CD163L1: variants seen among roughly 807,000 people sequenced by gnomAD.
The protein encoded by CD163L1 is scavenger receptor cysteine-rich type 1 protein M160.
In CD163L1, 124 loss-of-function variants were observed where a neutral mutation model predicts 165.4. That is an observed-to-expected ratio of 0.75 (90% CI 0.65 to 0.87). The LOEUF is 0.87. CD163L1 is among the 40% of genes least tolerant of loss of function. CD163L1 has a pLI of 0.00. For missense variants in CD163L1, 1,525 were observed against 1,799.9 expected, an observed-to-expected ratio of 0.85 and a Z score of 2.76; for synonymous variants, 585 against 662.2, an observed-to-expected ratio of 0.88 and a Z score of 1.79.
At chr12:7,329,038 G>T in the CD163L1 span, among the ~76,000 whole-genome samples, 1 of 147,130 alleles carries the variant, frequency 6.8e-6, no homozygotes. Context: ...CAATACTGAT[G>T]TATCTGTATA....
chr12:7,392,006 A>G (rs1021660475), intron 8 of CD163L1, among the ~76,000 whole-genome samples: 1 of 152,206 alleles, frequency 6.6e-6, no homozygotes, highest in Non-Finnish European at 1.5e-5. Flanking sequence ...TGAATATTAG[A>G]CAGATCAATA....
intron 7 of CD163L1, 73 bp from the exon 8 acceptor site, chr12:7,396,488 A>G: frequency 3.6e-6 from 5 of 1,395,510 alleles, no homozygotes; most frequent in Non-Finnish European, 4.8e-6. Context: ...TGGCTGGACT[A>G]TGATACCCAG....
chr12:7,367,097 T>G (rs1338287035), intron 18 of CD163L1, 139 bp downstream of exon 18: 1 of 443,306 alleles, frequency 2.3e-6, no homozygotes, highest in Admixed American at 3.6e-5. Flanking sequence ...TTTTATCTAT[T>G]CCCCGTTTGT....
At chr12:7,329,618 G>T in the CD163L1 span, among the ~76,000 whole-genome samples, 1 of 151,016 alleles carries the variant, frequency 6.6e-6, no homozygotes, top group African/African-American at 2.4e-5. Context: ...TTGTTTGTTT[G>T]TGTTTTTTTT....
chr12:7,436,020 C>A (rs1948708517), intron 2 of CD163L1, among the ~76,000 whole-genome samples: 1 of 151,984 alleles, frequency 6.6e-6, no homozygotes, highest in South Asian at 2.1e-4. Context: ...GCATCTATAT[C>A]TATCATATTA....
intron 1 of CD163L1, among the ~76,000 whole-genome samples, chr12:7,443,073 A>C (rs1424686062): frequency 6.6e-6 from 1 of 152,212 alleles, no homozygotes; most frequent in Non-Finnish European, 1.5e-5. Context: ...TTTAAGTAAC[A>C]CACATGAATT....
the CD163L1 span, among the ~76,000 whole-genome samples, chr12:7,333,666 C>G: frequency 6.6e-6 from 1 of 152,112 alleles, no homozygotes; most frequent in Non-Finnish European, 1.5e-5. Flanking sequence ...GAGATAGAGA[C>G]TCAAAAAACC....
intron 4 of CD163L1, among the ~76,000 whole-genome samples, chr12:7,420,627 C>A (rs1948330093): frequency 6.6e-6 from 1 of 151,904 alleles, no homozygotes; most frequent in African/African-American, 2.4e-5. Flanking sequence ...CACTCATGAT[C>A]AGAGAAATGC....
intron 4 of CD163L1, among the ~76,000 whole-genome samples, chr12:7,421,545 A>G (rs1163304675): frequency 7.4e-6 from 1 of 134,312 alleles, no homozygotes; most frequent in Non-Finnish European, 1.5e-5. Context: ...ATACGTACAC[A>G]TATACATATA....
In CD163L1 at chr12:7,398,493, C is replaced by T. The variant is rs1947826396; in HGVS notation, c.1500G>A (p.Val500=). The T allele has an allele frequency of 6.2e-7, 1 of 1,614,060 alleles. No homozygotes were observed. The highest frequency in any genetic ancestry group is 8.5e-7 in the Non-Finnish European group (1 of 1,179,956). The part of the protein sequence containing the change: ...EVKYQGEWGT[V]CHDRWSTRNA... ...TCCTTGTGCTCCATCTGTCATGACACACAGTCCCCCACTCTCCTTGGTATT... is the reference window on the plus strand; with the variant it reads ...TCCTTGTGCTCCATCTGTCATGACATACAGTCCCCCACTCTCCTTGGTATT... Residue 500 remains valine, a synonymous_variant, in exon 7 of 20, where the codon GTG becomes GTA. Transcript: ENST00000313599. The surrounding 1 kb of genome is among the most constrained non-coding windows in gnomAD (Gnocchi z 4.5).
rs1339786395 is a variant in CD163L1 at position 7,406,789 on chromosome 12, A to T, written c.830T>A (p.Leu277Gln). 6.2e-7 allele frequency: 1 copy of T among 1,614,030 alleles called. No individual in the cohort carries two copies. ...GGTCCCCCACCTTCCTTGGATTTTC[A>T]GCTCTACTCTCCCCATACAGCGGTT... ...GTNRCMGRVE[L>Q]KIQGRWGTVC... The change falls in exon 5 of 20, where the codon CTG becomes CAG. Residue 277 changes from leucine to glutamine, a missense_variant. By Grantham distance (113) the Leu-to-Gln change is moderately radical. Transcript: ENST00000313599.
downstream of CD163L1, among the ~76,000 whole-genome samples, chr12:7,343,119 G>A (rs775352079): frequency 1.3e-5 from 2 of 152,162 alleles, no homozygotes; most frequent in Non-Finnish European, 2.9e-5. Context: ...GGAAGAGAGA[G>A]AGAGAGAAGG....
intron 4 of CD163L1, among the ~76,000 whole-genome samples, chr12:7,429,612 C>T (rs1948597235): frequency 6.6e-6 from 1 of 151,976 alleles, no homozygotes; most frequent in Admixed American, 6.6e-5. Context: ...CTTTCTTTCT[C>T]ACCTCTTTTT....
intron 4 of CD163L1, among the ~76,000 whole-genome samples, chr12:7,417,740 C>T (rs1227701737): frequency 6.6e-6 from 1 of 151,710 alleles, no homozygotes; most frequent in Non-Finnish European, 1.5e-5. Flanking sequence ...GTTGAATCAG[C>T]CTTGCATCCT....
chr12:7,414,631 C>T (rs979442088), intron 4 of CD163L1, among the ~76,000 whole-genome samples: 5 of 152,012 alleles, frequency 3.3e-5, no homozygotes, highest in Admixed American at 2.6e-4. Flanking sequence ...ATAGATTGAA[C>T]ATAAAGAGAG....
chr12:7,389,909 A>G (rs1947609732), intron 8 of CD163L1, among the ~76,000 whole-genome samples: 1 of 148,902 alleles, frequency 6.7e-6, no homozygotes, highest in Non-Finnish European at 1.5e-5. Flanking sequence ...AAATCAACCT[A>G]AGTGTCCATC....
chr12:7,418,967 C>T (rs138859312), intron 4 of CD163L1, among the ~76,000 whole-genome samples: 18 of 151,944 alleles, frequency 1.2e-4, no homozygotes, highest in African/African-American at 4.3e-4. Flanking sequence ...GAATTGATAC[C>T]AATCCTATTG....
chr12:7,347,067 GTTCC>G lies in CD163L1; in HGVS notation c.*101_*104del, dbSNP rs1159074748. ...CTGATCACACTGTAGGATTTCCCTA[GTTCC>G]TTTGACCGCTGCTCTTCATGGTGAG... is the stretch of plus-strand genomic sequence containing the variant. On this transcript the variant is annotated 3_prime_UTR_variant, in exon 5 of 5. Transcript: ENST00000539726. This position sits in a 1 kb window ranked among gnomAD's most constrained non-coding sequence, Gnocchi z 4.2. 6.6e-6 allele frequency: 1 copy of G among 152,232 alleles called. No homozygotes were observed. The highest frequency in any genetic ancestry group is 1.5e-5 in the Non-Finnish European group (1 of 68,042). 9.4% of individuals were successfully genotyped at this position (152,232 alleles called of 1,614,324 possible).
At chr12:7,439,519 A>T (rs1948785049) in intron 2 of CD163L1, 7 of 1,578,588 alleles carry the variant, frequency 4.4e-6, no homozygotes, top group Non-Finnish European at 5.1e-6. Context: ...TCTCTGCCTT[A>T]ATTTTTTCTT....
Sources: allele counts gnomAD v4.1 joint callset (sites outside exome capture counted in the v4.1 genomes callset), GRCh38; gene constraint gnomAD v4.1.1; non-coding constraint Gnocchi (gnomAD v3.1); transcripts MANE v1.5; gene names NCBI Gene and HGNC (gene_info 2026-07-23, HGNC 2026-07-21).